Variants in PGBD2 observed in about 807,000 individuals in gnomAD.
PGBD2 encodes piggyBac transposable element derived 2.
A neutral mutation model predicts 8.1 loss-of-function variants in PGBD2; 6 were observed. The observed-to-expected ratio is 0.74, with a 90% CI of 0.40 to 1.46. The LOEUF is 1.46. Among genes scored for constraint, PGBD2 ranks in the 40% most tolerant of loss-of-function variants. The probability of loss-of-function intolerance (pLI) is 0.02; values close to 1 mark genes in which losing one functional copy is unlikely to be tolerated. For missense variants in PGBD2, 802 were observed against 739.0 expected (o/e 1.09, Z -0.99); for synonymous variants, 318 against 272.2 (o/e 1.17, Z -1.66).
chr1:248,874,896 GTAGATAGAGATAGATAGA>G, the PGBD2 span, among the ~76,000 whole-genome samples: 1 of 143,168 alleles, frequency 7.0e-6, no homozygotes, highest in Non-Finnish European at 1.5e-5. Flanking sequence ...AGATAGATAG[GTAGATAGAGATAGATAGA>G]TAGATAGATA....
the PGBD2 span, among the ~76,000 whole-genome samples, chr1:248,927,479 T>G: frequency 6.6e-6 from 1 of 152,334 alleles, no homozygotes; most frequent in African/African-American, 2.4e-5. Context: ...GCAAATATTT[T>G]CTGCAAAGGG....
the PGBD2 span, among the ~76,000 whole-genome samples, chr1:248,888,870 G>C: frequency 6.6e-6 from 1 of 152,046 alleles, no homozygotes; most frequent in Non-Finnish European, 1.5e-5. Context: ...TTTATAGTTT[G>C]AGGTCTTACA....
chr1:248,913,692 C>G (rs781007645), intron 1 of PGBD2, 124 bp from the exon 2 acceptor site: 10 of 653,790 alleles, frequency 1.5e-5, no homozygotes, highest in Non-Finnish European at 2.2e-5. Context: ...CCAGTCGACC[C>G]AGACACTATT....
the PGBD2 span, among the ~76,000 whole-genome samples, chr1:248,896,323 A>G: frequency 6.6e-6 from 1 of 152,080 alleles, no homozygotes; most frequent in East Asian, 1.9e-4. Flanking sequence ...TAGTCTCCAT[A>G]ATCCATAAGC....
At chr1:248,920,436 G>C (rs1337420147), downstream of PGBD2, among the ~76,000 whole-genome samples, 5 of 152,038 alleles carry the variant, frequency 3.3e-5, no homozygotes, top group African/African-American at 1.2e-4. Flanking sequence ...TGAGAATGAT[G>C]GTTTCCAGCT....
In PGBD2 at chr1:248,917,227, G is replaced by A; in HGVS notation, c.643G>A (p.Ala215Thr). Reference protein sequence around the residue: ...PDSHHHLVADAIRRDRFELIF... With the variant: ...PDSHHHLVADTIRRDRFELIF... The stretch of plus-strand genomic sequence containing the variant: ...TTCACATCATCATCTTGTGGCTGAT[G>A]CAATTAGAAGGGACAGATTTGAACT... Residue 215 changes from alanine (A) to threonine (T), a missense_variant, in exon 3 of 3, where the codon GCA becomes ACA. By Grantham distance (58) the Ala-to-Thr change is moderately conservative. Coordinates refer to ENST00000329291, the MANE Select transcript of PGBD2 (RefSeq NM_170725.3). The A allele has an allele frequency of 6.2e-7, 1 of 1,614,162 alleles. No homozygotes were observed. Among genetic ancestry groups the A allele is most frequent in the South Asian group, 1.1e-5 (1 of 91,082 alleles).
the PGBD2 span, among the ~76,000 whole-genome samples, chr1:248,926,724 A>T: frequency 2.0e-5 from 3 of 152,244 alleles, no homozygotes; most frequent in East Asian, 5.8e-4. Flanking sequence ...TACTAAGAGC[A>T]GAGTCGTGTT....
the PGBD2 span, among the ~76,000 whole-genome samples, chr1:248,881,566 G>T: frequency 6.6e-6 from 1 of 152,180 alleles, no homozygotes; most frequent in Non-Finnish European, 1.5e-5. Context: ...TATAGTATTT[G>T]TCATTATGAT....
chr1:248,918,571 A>C lies in PGBD2; in HGVS notation c.*208A>C. 1 of 277,814 alleles carries C rather than the reference A, an allele frequency of 3.6e-6. No individual in the cohort carries two copies. The highest frequency in any genetic ancestry group is 6.9e-5 in the East Asian group (1 of 14,458). 17.2% of individuals were successfully genotyped at this position (277,814 alleles called of 1,614,324 possible). A position where few individuals can be genotyped will look rare whatever the true frequency, so the allele number is the denominator to read the frequency against. On this transcript the variant is annotated 3_prime_UTR_variant, in exon 3 of 3. Transcript: ENST00000329291. ...TATAAATTAATATTTATATTCATTTATATTTATATTTTTGAACTTATTTAT... is the reference window on the plus strand; with the variant it reads ...TATAAATTAATATTTATATTCATTTCTATTTATATTTTTGAACTTATTTAT...
Position 248,916,812 on chromosome 1 carries a change from T to C in PGBD2, c.228T>C (p.His76=). Residue 76 remains histidine (H), a synonymous_variant, in exon 3 of 3, where the codon CAT becomes CAC. Transcript: ENST00000329291. ...RGAHLPGSVL[H]ASVLCEDSGT... ...CTCACCTACCTGGCAGTGTGCTGCA[T>C]GCTTCAGTCCTGTGTGAGGACTCTG... 1 of 1,614,204 alleles carries C rather than the reference T, an allele frequency of 6.2e-7. No homozygotes were observed. Among genetic ancestry groups the C allele is most frequent in the East Asian group, 2.2e-5 (1 of 44,888 alleles).
the PGBD2 span, among the ~76,000 whole-genome samples, chr1:248,895,175 A>G: frequency 6.6e-6 from 1 of 152,140 alleles, no homozygotes; most frequent in Non-Finnish European, 1.5e-5. Flanking sequence ...CTTTGGGTCA[A>G]CCAACAACAG....
the PGBD2 span, among the ~76,000 whole-genome samples, chr1:248,925,052 C>A: frequency 6.6e-6 from 1 of 151,756 alleles, no homozygotes; most frequent in South Asian, 2.1e-4. Flanking sequence ...GGTAAAAATG[C>A]AAGACTGGAT....
At chr1:248,893,386 C>G in the PGBD2 span, among the ~76,000 whole-genome samples, 1 of 152,164 alleles carries the variant, frequency 6.6e-6, no homozygotes, top group Non-Finnish European at 1.5e-5. Flanking sequence ...ATCCCTCTCC[C>G]CCATCTCCTG....
the PGBD2 span, among the ~76,000 whole-genome samples, chr1:248,883,180 A>G: frequency 2.0e-5 from 3 of 151,304 alleles, no homozygotes; most frequent in South Asian, 2.1e-4. Flanking sequence ...CTGGAGTGCA[A>G]TGGCGGGATC....
chr1:248,893,929 GATTA>G, the PGBD2 span, among the ~76,000 whole-genome samples: 6 of 152,004 alleles, frequency 3.9e-5, no homozygotes, highest in African/African-American at 1.4e-4. Flanking sequence ...TTGATTGATT[GATTA>G]AAGACATTCT....
upstream of PGBD2, among the ~76,000 whole-genome samples, chr1:248,904,111 G>T (rs1661579565): frequency 6.6e-6 from 1 of 151,362 alleles, no homozygotes; most frequent in Admixed American, 6.6e-5. Context: ...AAGCAAGATA[G>T]TATCTATAAA....
chr1:248,904,316 C>G (rs989107554), upstream of PGBD2, among the ~76,000 whole-genome samples: 1 of 151,186 alleles, frequency 6.6e-6, no homozygotes, highest in Non-Finnish European at 1.5e-5. Context: ...TGCAGTTCTT[C>G]TGCCATTCTA....
chr1:248,903,331 T>G (rs1348340853), upstream of PGBD2, among the ~76,000 whole-genome samples: 3 of 151,866 alleles, frequency 2.0e-5, no homozygotes, highest in African/African-American at 7.3e-5. Flanking sequence ...CCTGAGTATC[T>G]GGGGCTACAG....
At chr1:248,879,841 A>G in the PGBD2 span, among the ~76,000 whole-genome samples, 10 of 152,156 alleles carry the variant, frequency 6.6e-5, no homozygotes, top group African/African-American at 2.4e-4. Flanking sequence ...TTGTGTGATT[A>G]TGGGGCTATG....
Sources: gnomAD v4.1 joint callset for allele counts (sites outside exome capture counted in the v4.1 genomes callset) on GRCh38, gnomAD v4.1.1 for gene constraint, MANE v1.5 for transcripts, NCBI Gene and HGNC (gene_info 2026-07-23, HGNC 2026-07-21) for gene names.